The following DCLK2 variants were observed in gnomAD, a reference collection of about 807,000 sequenced individuals.
The protein encoded by DCLK2 is serine/threonine-protein kinase DCLK2.
In DCLK2, 31 loss-of-function variants were observed where a neutral mutation model predicts 78.4. That is an observed-to-expected ratio of 0.40 (90% CI 0.30 to 0.53). The LOEUF is 0.53. Among genes scored for constraint, DCLK2 ranks in the 20% least tolerant of loss-of-function variants. The pLI, the probability that DCLK2 is intolerant of heterozygous loss-of-function variation, is 0.61. For missense variants in DCLK2, 872 were observed against 973.7 expected, an observed-to-expected ratio of 0.90 and a Z score of 1.39; for synonymous variants, 407 against 374.9, an observed-to-expected ratio of 1.09 and a Z score of -0.99.
intron 5 of DCLK2, among the ~76,000 whole-genome samples, chr4:150,212,929 G>A (rs1238014231): frequency 1.3e-5 from 2 of 152,192 alleles, no homozygotes; most frequent in Non-Finnish European, 2.9e-5. Flanking sequence ...GCTGCTTGTA[G>A]TAGCCTCCAT....
In DCLK2 at chr4:150,256,011, C is replaced by G. The variant is rs1230546750; in HGVS notation, c.2074-9C>G. ...GGGTAATGTGTTGTCTCTGCTGTTT[C>G]CTCCTCAGAACACGGCTCTAGATAA... On this transcript the variant is annotated splice_polypyrimidine_tract_variant and intron_variant, in intron 15 of 15. Transcript: ENST00000296550. The G allele has an allele frequency of 6.2e-7, 1 of 1,612,230 alleles. No homozygotes were observed. Among genetic ancestry groups the G allele is most frequent in the Non-Finnish European group, 8.5e-7 (1 of 1,179,544 alleles).
At chr4:150,213,649 G>GA (rs1185095252) in intron 5 of DCLK2, among the ~76,000 whole-genome samples, 1 of 151,710 alleles carries the variant, frequency 6.6e-6, no homozygotes, top group African/African-American at 2.4e-5. Context: ...CCTTTTTAAA[G>GA]AAAAAATTTA....
chr4:150,140,712 T>C (rs2150212694), intron 2 of DCLK2, among the ~76,000 whole-genome samples: 1 of 152,322 alleles, frequency 6.6e-6, no homozygotes, highest in South Asian at 2.1e-4. Flanking sequence ...TACTTCTTTA[T>C]TTTTTAAAAT....
chr4:150,104,394 T>TAAAAAAAAAAAAAA lies in DCLK2; in HGVS notation c.756+1598_756+1611dup, dbSNP rs34276664. Among the ~76,000 whole-genome samples the TAAAAAAAAAAAAAA allele has an allele frequency of 2.1e-3, 63 of 29,754 alleles. 5 individuals carry two copies. The highest frequency in any genetic ancestry group is 2.5e-3 in the Non-Finnish European group (45 of 18,198). The allele number at this position is 29,754 out of a possible 152,430, so 19.5% of individuals were successfully genotyped here. A position where few individuals can be genotyped will look rare whatever the true frequency, so the allele number is the denominator to read the frequency against. ...TGGTGACAAAAAAGACCACATCTCCTAAAAAAAAAAAAAAAAAAAAAAAAA... is the reference window on the plus strand; with the variant it reads ...TGGTGACAAAAAAGACCACATCTCCTAAAAAAAAAAAAAAAAAAAAAAAAAAAAAAAAAAAAAAA... On this transcript the variant is annotated intron_variant, in intron 2 of 15. Transcript: ENST00000296550.
intron 2 of DCLK2, among the ~76,000 whole-genome samples, chr4:150,157,955 A>G (rs769050599): frequency 6.6e-5 from 10 of 152,198 alleles, no homozygotes; most frequent in Admixed American, 2.6e-4. Flanking sequence ...TATTCTAACG[A>G]GATAAATAGT....
chr4:150,193,771 A>G (rs1207438118), intron 3 of DCLK2, among the ~76,000 whole-genome samples: 1 of 151,956 alleles, frequency 6.6e-6, no homozygotes, highest in East Asian at 1.9e-4. Flanking sequence ...TAATTGAGAC[A>G]GTGTCTCCTT....
intron 12 of DCLK2, among the ~76,000 whole-genome samples, chr4:150,242,408 C>G (rs899467452): frequency 6.6e-6 from 1 of 152,244 alleles, no homozygotes; most frequent in Non-Finnish European, 1.5e-5. Flanking sequence ...AAGTCATTAA[C>G]TAGGTGGGTT....
chr4:150,136,519 A>G (rs1490785128), intron 2 of DCLK2, among the ~76,000 whole-genome samples: 1 of 152,210 alleles, frequency 6.6e-6, no homozygotes, highest in East Asian at 1.9e-4. Flanking sequence ...ATTCAAAGGA[A>G]TGGGGTTTTT....
intron 6 of DCLK2, among the ~76,000 whole-genome samples, 167 bp from the exon 7 acceptor site, chr4:150,221,510 A>T (rs1049208625): frequency 6.6e-6 from 1 of 152,214 alleles, no homozygotes; most frequent in Non-Finnish European, 1.5e-5. Context: ...AGTTAAAAGG[A>T]AATTGGTGAT....
chr4:150,227,419 G>A (rs1270617123), intron 8 of DCLK2, among the ~76,000 whole-genome samples: 1 of 152,204 alleles, frequency 6.6e-6, no homozygotes, highest in South Asian at 2.1e-4. Flanking sequence ...GGGGAAGCAC[G>A]TGGGAGAGAA....
chr4:150,196,632 A>T (rs140214401), intron 3 of DCLK2, among the ~76,000 whole-genome samples: 14 of 151,224 alleles, frequency 9.3e-5, no homozygotes, highest in African/African-American at 3.4e-4. Context: ...CAAGCCTATG[A>T]TGTAAATTTT....
In DCLK2 at chr4:150,079,353, C is replaced by G; in HGVS notation, c.326C>G (p.Ser109Cys). 1 of 1,588,122 alleles carries G rather than the reference C, an allele frequency of 6.3e-7. No individual in the cohort carries two copies. Among genetic ancestry groups the G allele is most frequent in the Non-Finnish European group, 8.6e-7 (1 of 1,167,278 alleles). Residue 109 changes from serine to cysteine, a missense_variant, in exon 1 of 16, where the codon TCC (serine) becomes TGC (cysteine). Physicochemically the swap from Ser to Cys is moderately radical, Grantham distance 112 (BLOSUM62 -1). Coordinates refer to ENST00000296550, the MANE Select transcript of DCLK2 (RefSeq NM_001040260.4). ...GCGCTCCTCATAGAGCTCACCCGCT[C>G]CCTGTCGGACAACGTGAACCTGCCC... The part of the protein sequence containing the change: ...FDALLIELTR[S>C]LSDNVNLPQG...
At chr4:150,136,706 G>T (rs1330498225) in intron 2 of DCLK2, among the ~76,000 whole-genome samples, 1 of 152,176 alleles carries the variant, frequency 6.6e-6, no homozygotes, top group Non-Finnish European at 1.5e-5. Flanking sequence ...ACTTTTCTAT[G>T]TGGTTAGCAA....
Position 150,240,628 on chromosome 4 carries a change from T to C in DCLK2, c.1778+152T>C, listed in dbSNP as rs965254644. Reference sequence around the variant, plus strand: ...ACGGGGGGAGGGGGGAGGGATAGCATTGGAAGATATACCTAATGCTAGATG... The same window carrying C: ...ACGGGGGGAGGGGGGAGGGATAGCACTGGAAGATATACCTAATGCTAGATG... On this transcript the variant is annotated intron_variant, in intron 12 of 15. Coordinates refer to ENST00000296550, the MANE Select transcript of DCLK2 (RefSeq NM_001040260.4). 9.2e-6 allele frequency: 5 copies of C among 545,042 alleles called. No homozygotes were observed. In the African/African-American group the frequency reaches 9.5e-5, roughly 10 times the overall value. The allele number at this position is 545,042 out of a possible 1,614,324, so 33.8% of individuals were successfully genotyped here. A position where few individuals can be genotyped will look rare whatever the true frequency, so the allele number is the denominator to read the frequency against.
rs1402065541 is a variant in DCLK2, at chr4:150,256,201, C to A, written c.2255C>A (p.Ala752Asp). The change falls in exon 16 of 16, where the codon GCC becomes GAC. Residue 752 changes from alanine to aspartate, a missense_variant. By Grantham distance (126) the Ala-to-Asp change is moderately radical. Coordinates refer to ENST00000296550, the MANE Select transcript of DCLK2 (RefSeq NM_001040260.4). ...ESPTPHPPPA[A>D]PGGERAGTWR... ...CCCACCCCCCACCCTCCTCCCGCTG[C>A]CCCGGGTGGTGAGCGGGCAGGAACC... 1.3e-6 allele frequency: 2 copies of A among 1,534,322 alleles called. No homozygotes were observed. The highest frequency in any genetic ancestry group is 2.4e-5 in the South Asian group (2 of 83,706).
chr4:150,213,734 C>G (rs898961507), intron 5 of DCLK2, among the ~76,000 whole-genome samples: 1 of 152,144 alleles, frequency 6.6e-6, no homozygotes, highest in Non-Finnish European at 1.5e-5. Flanking sequence ...AGGAATGTTA[C>G]TCTAGTTATA....
At chr4:150,218,520 A>G (rs1740920736) in intron 5 of DCLK2, among the ~76,000 whole-genome samples, 1 of 152,226 alleles carries the variant, frequency 6.6e-6, no homozygotes, top group South Asian at 2.1e-4. Flanking sequence ...GACTTGTTGT[A>G]GGACCATTAC....
At chr4:150,240,774 A>G (rs1389535283) in intron 12 of DCLK2, among the ~76,000 whole-genome samples, 1 of 151,110 alleles carries the variant, frequency 6.6e-6, no homozygotes. Context: ...AAAAAGAAAA[A>G]AAAAAATCAG....
At chr4:150,203,535 A>G (rs1050446665) in intron 4 of DCLK2, among the ~76,000 whole-genome samples, 1 of 151,642 alleles carries the variant, frequency 6.6e-6, no homozygotes, top group Non-Finnish European at 1.5e-5. Flanking sequence ...TAATTCCATA[A>G]TGTCTTCTAT....
Sources: allele counts gnomAD v4.1 joint callset (sites outside exome capture counted in the v4.1 genomes callset), GRCh38; gene constraint gnomAD v4.1.1; transcripts MANE v1.5; gene names NCBI Gene and HGNC (gene_info 2026-07-23, HGNC 2026-07-21).